The following RAB31 variants were observed in gnomAD, a reference collection of about 807,000 sequenced individuals.
RAB31 encodes RAB31, member RAS oncogene family, also known as ras-related protein Rab-31.
RAB31 carries 21 observed loss-of-function variants against 25.6 expected under a neutral mutation model. That is an observed-to-expected ratio of 0.82 (90% CI 0.58 to 1.18). The LOEUF (loss-of-function observed/expected upper bound fraction) is 1.18. Ranked by LOEUF, RAB31 falls within the 50% of genes most tolerant of loss-of-function variation. The probability of loss-of-function intolerance (pLI) is 0.00; values close to 1 mark genes in which losing one functional copy is unlikely to be tolerated. For synonymous variants in RAB31, 87 were observed against 84.0 expected, an observed-to-expected ratio of 1.04 and a Z score of -0.20; for missense variants, 196 against 250.1, an observed-to-expected ratio of 0.78 and a Z score of 1.46.
chr18:9,781,891 C>T (rs28629355), intron 2 of RAB31, among the ~76,000 whole-genome samples: 4,076 of 152,234 alleles, frequency 0.027, 215 homozygotes, highest in African/African-American at 0.094. Context: ...CTGGTAGGTT[C>T]GGTGGGCTGA....
Position 9,825,371 on chromosome 18 carries a change from C to T in RAB31, c.380+10149C>T, listed in dbSNP as rs9952670. 6.2e-3 allele frequency among the ~76,000 whole-genome samples: 941 copies of T among 152,196 alleles called. 4 individuals are homozygous for T. Among genetic ancestry groups the T allele is most frequent in the African/African-American group, 0.021 (885 of 41,512 alleles). The stretch of plus-strand genomic sequence containing the variant: ...AGAAAGTCTGGAGAGCCCTACAGGA[C>T]GCTGCATGTCCTTTTCCTGGGTCTG... On this transcript the variant is annotated intron_variant, in intron 5 of 6. Transcript: ENST00000578921.
chr18:9,744,316 G>A (rs2068194775), intron 1 of RAB31, among the ~76,000 whole-genome samples: 1 of 152,152 alleles, frequency 6.6e-6, no homozygotes, highest in Admixed American at 6.6e-5. Context: ...ATGTCTGTTA[G>A]CATGGCTAAA....
chr18:9,805,283 T>TAAA (rs11451829), intron 3 of RAB31, among the ~76,000 whole-genome samples: 2,512 of 146,848 alleles, frequency 0.017, 56 homozygotes, highest in East Asian at 0.056. Context: ...ATAAAAAGAT[T>TAAA]AAAAAAAAAA....
intron 5 of RAB31, among the ~76,000 whole-genome samples, chr18:9,840,402 G>A (rs113895436): frequency 1.3e-5 from 2 of 152,092 alleles, no homozygotes; most frequent in Admixed American, 6.5e-5. Flanking sequence ...CAAAAGTCAC[G>A]GGATGCCGTA....
At chr18:9,770,233 C>G (rs1472727802) in intron 1 of RAB31, among the ~76,000 whole-genome samples, 3 of 152,092 alleles carry the variant, frequency 2.0e-5, no homozygotes, top group Non-Finnish European at 4.4e-5. Context: ...TCCCTCTTTT[C>G]TATTGTTTGG....
chr18:9,722,685 T>C (rs1362664280), intron 1 of RAB31: 1 of 152,152 alleles, frequency 6.6e-6, no homozygotes, highest in Admixed American at 6.5e-5. Flanking sequence ...CTTATGAAAG[T>C]ATGTGGAGTC....
At chr18:9,841,941 AT>A (rs1315788632) in intron 5 of RAB31, among the ~76,000 whole-genome samples, 2 of 152,194 alleles carry the variant, frequency 1.3e-5, no homozygotes, top group Non-Finnish European at 2.9e-5. Flanking sequence ...GAACTTAAGC[AT>A]GGGTGACTAC....
chr18:9,776,679 C>A (rs1256403812), intron 2 of RAB31, among the ~76,000 whole-genome samples: 1 of 152,084 alleles, frequency 6.6e-6, no homozygotes, highest in African/African-American at 2.4e-5. Flanking sequence ...CAGACAGAGG[C>A]AATAGCAATA....
intron 3 of RAB31, among the ~76,000 whole-genome samples, chr18:9,797,119 G>GC (rs1280412867): frequency 2.6e-5 from 4 of 152,180 alleles, no homozygotes; most frequent in African/African-American, 9.6e-5. Flanking sequence ...AGCTGTGCCT[G>GC]CCTAGTCCTC....
chr18:9,853,978 T>A (rs1353488257), intron 6 of RAB31, among the ~76,000 whole-genome samples: 3 of 150,312 alleles, frequency 2.0e-5, no homozygotes, highest in South Asian at 2.1e-4. Context: ...TTTTTTTTTT[T>A]AACTTTAAAT....
At chr18:9,793,434 G>C (rs894312354) in intron 3 of RAB31, among the ~76,000 whole-genome samples, 3 of 152,202 alleles carry the variant, frequency 2.0e-5, no homozygotes, top group Non-Finnish European at 4.4e-5. Flanking sequence ...AGGCCGAGGC[G>C]GGCGGATCAT....
intron 1 of RAB31, among the ~76,000 whole-genome samples, chr18:9,761,758 A>C (rs2068289951): frequency 6.6e-6 from 1 of 152,182 alleles, no homozygotes; most frequent in African/African-American, 2.4e-5. Flanking sequence ...AGCAGGCAAA[A>C]GGGAGAGAGG....
In RAB31 at chr18:9,795,148, T is replaced by A. The variant is rs186444973; in HGVS notation, c.201+2913T>A. 9.2e-5 allele frequency among the ~76,000 whole-genome samples: 14 copies of A among 152,222 alleles called. No individual in the cohort carries two copies. In the East Asian group the frequency reaches 2.7e-3, roughly 29 times the overall value. On this transcript the variant is annotated intron_variant, in intron 3 of 6. Coordinates refer to ENST00000578921, the MANE Select transcript of RAB31 (RefSeq NM_006868.4). ...AAAAACATAAAGTGGGAAATGGACA[T>A]CCTATTCAACAAATGGTGCTGGGAT...
Position 9,762,645 on chromosome 18 carries a change from A to C in RAB31, c.40-12633A>C, listed in dbSNP as rs1010196620. Reference sequence around the variant, plus strand: ...GCACAGAGTTTGTACATCGGGACAAACTGCTCTCTGGAAATGCCAAGAAGC... The same window carrying C: ...GCACAGAGTTTGTACATCGGGACAACCTGCTCTCTGGAAATGCCAAGAAGC... On this transcript the variant is annotated intron_variant, in intron 1 of 6. Transcript: ENST00000578921. 1.8e-4 allele frequency among the ~76,000 whole-genome samples: 27 copies of C among 151,462 alleles called. 1 individual carries two copies. Among genetic ancestry groups the C allele is most frequent in the Admixed American group, 1.6e-3 (24 of 15,254 alleles).
chr18:9,773,151 G>T (rs1002647916), intron 1 of RAB31, among the ~76,000 whole-genome samples: 1 of 152,136 alleles, frequency 6.6e-6, no homozygotes, highest in African/African-American at 2.4e-5. Flanking sequence ...CTGGAGAGGG[G>T]TTTTCTGATG....
chr18:9,848,155 G>A (rs1395804884), intron 6 of RAB31, among the ~76,000 whole-genome samples: 2 of 152,068 alleles, frequency 1.3e-5, no homozygotes, highest in African/African-American at 4.8e-5. Flanking sequence ...TAAATACACA[G>A]CCATGGCAAA....
At chr18:9,764,038 T>A (rs533380786) in intron 1 of RAB31, among the ~76,000 whole-genome samples, 4 of 152,110 alleles carry the variant, frequency 2.6e-5, no homozygotes, top group Non-Finnish European at 4.4e-5. Flanking sequence ...CACTGTAGAG[T>A]GCTGTAGCTC....
chr18:9,740,018 T>G (rs1357187222), intron 1 of RAB31, among the ~76,000 whole-genome samples: 6 of 152,232 alleles, frequency 3.9e-5, no homozygotes, highest in Admixed American at 1.3e-4. Flanking sequence ...AACTTGGAGC[T>G]GATTCTGACC....
chr18:9,852,946 C>T (rs545662474), intron 6 of RAB31, among the ~76,000 whole-genome samples: 1 of 152,222 alleles, frequency 6.6e-6, no homozygotes, highest in African/African-American at 2.4e-5. Context: ...ATAGTGGTAT[C>T]TCATTGTGAT....
Sources: allele counts gnomAD v4.1 joint callset (sites outside exome capture counted in the v4.1 genomes callset), GRCh38; gene constraint gnomAD v4.1.1; transcripts MANE v1.5; gene names NCBI Gene and HGNC (gene_info 2026-07-23, HGNC 2026-07-21).